Variants in RGS7 observed in about 807,000 individuals in gnomAD.
The protein encoded by RGS7 is regulator of G protein signaling 7.
Under a neutral mutation model 81.1 loss-of-function variants are expected in RGS7, and 27 were observed. That is an observed-to-expected ratio of 0.33 (90% CI 0.25 to 0.46). The LOEUF is 0.46. Among genes scored for constraint, RGS7 ranks in the 20% least tolerant of loss-of-function variants. RGS7 has a pLI of 1.00. For synonymous variants in RGS7, 208 were observed against 207.7 expected (o/e 1.00, Z -0.01); for missense variants, 396 against 607.4 (o/e 0.65, Z 3.66).
intron 3 of RGS7, among the ~76,000 whole-genome samples, chr1:241,033,156 G>T (rs1451736316): frequency 6.6e-6 from 1 of 152,186 alleles, no homozygotes. Flanking sequence ...TTCGAGACCA[G>T]CCTGGCCAAC....
chr1:240,848,579 A>C (rs981985587), intron 9 of RGS7, among the ~76,000 whole-genome samples: 3 of 152,036 alleles, frequency 2.0e-5, no homozygotes, highest in Non-Finnish European at 2.9e-5. Flanking sequence ...AATTCTATAC[A>C]TAGTTCCTTT....
rs199641312 is a variant in RGS7, at chr1:241,157,801, TTTTTC to T, written c.79-59044_79-59040del. Among the ~76,000 whole-genome samples the T allele has an allele frequency of 2.3e-3, 342 of 147,934 alleles. 12 individuals are homozygous for T. In the East Asian group the frequency reaches 0.056, roughly 24 times the overall value. ...AATTTGTAGTGTCCATAAATAAACT[TTTTTC>T]TTTTCTTTTCTTTTCTTTTTTTTTT... On this transcript the variant is annotated intron_variant, in intron 2 of 18. Coordinates refer to ENST00000440928, the MANE Select transcript of RGS7 (RefSeq NM_001364886.1).
At chr1:241,038,125 T>A (rs1042186788) in intron 3 of RGS7, among the ~76,000 whole-genome samples, 6 of 152,290 alleles carry the variant, frequency 3.9e-5, no homozygotes, top group East Asian at 1.9e-4. Context: ...AAATCTTTTT[T>A]AAAAAAATCA....
At chr1:241,083,431 T>C (rs1288882669) in intron 3 of RGS7, among the ~76,000 whole-genome samples, 2 of 152,282 alleles carry the variant, frequency 1.3e-5, no homozygotes, top group East Asian at 3.9e-4. Context: ...GACTCTTTCA[T>C]AGCAAGGTTA....
intron 6 of RGS7, among the ~76,000 whole-genome samples, chr1:240,881,281 T>A (rs972168093): frequency 9.9e-5 from 14 of 140,984 alleles, no homozygotes; most frequent in Non-Finnish European, 1.5e-5. Context: ...TTCTCACTCA[T>A]AGGTGGGAAT....
intron 2 of RGS7, among the ~76,000 whole-genome samples, chr1:241,249,120 G>A (rs1402200695): frequency 6.6e-6 from 1 of 152,014 alleles, no homozygotes; most frequent in Admixed American, 6.6e-5. Flanking sequence ...TCTAATTTTC[G>A]TGAGGTATAA....
At chr1:241,273,127 A>T (rs1451233305) in intron 2 of RGS7, among the ~76,000 whole-genome samples, 4 of 151,568 alleles carry the variant, frequency 2.6e-5, no homozygotes, top group African/African-American at 9.7e-5. Context: ...ATTGTGGTTC[A>T]GATATTATAG....
chr1:240,803,880 T>C (rs1015787799), intron 15 of RGS7, among the ~76,000 whole-genome samples: 18 of 151,280 alleles, frequency 1.2e-4, no homozygotes, highest in Non-Finnish European at 1.8e-4. Context: ...TTGAAGAAAA[T>C]AGATGTTTCA....
chr1:240,983,259 G>A (rs1222647522), intron 3 of RGS7, 130 bp from the exon 4 acceptor site: 1 of 541,174 alleles, frequency 1.8e-6, no homozygotes, highest in African/African-American at 1.9e-5. Flanking sequence ...GACAGATTAA[G>A]GATCTACCCC....
chr1:240,940,751 G>A (rs1677454394), intron 4 of RGS7, among the ~76,000 whole-genome samples: 1 of 152,036 alleles, frequency 6.6e-6, no homozygotes, highest in Non-Finnish European at 1.5e-5. Context: ...AAGTGTTGAT[G>A]AGGATTAGAA....
rs752801177 is a variant in RGS7 at position 240,868,577 on chromosome 1, G to A, written c.609+10C>T. On this transcript the variant is annotated intron_variant, in intron 9 of 18. Coordinates refer to ENST00000440928, the MANE Select transcript of RGS7 (RefSeq NM_001364886.1). This position sits in a 1 kb window ranked among gnomAD's most constrained non-coding sequence, Gnocchi z 5.1. ...GATGGATTCAAGACGAGAGTGCGAC[G>A]CTTGCTTACCACGGGCCTGTGCACG... 1.2e-5 allele frequency: 19 copies of A among 1,613,252 alleles called. No homozygotes were observed. Among genetic ancestry groups the A allele is most frequent in the Admixed American group, 1.7e-5 (1 of 59,994 alleles).
At chr1:240,926,102 T>C (rs1272387069) in intron 6 of RGS7, among the ~76,000 whole-genome samples, 1 of 152,244 alleles carries the variant, frequency 6.6e-6, no homozygotes, top group Non-Finnish European at 1.5e-5. Flanking sequence ...TAGTTTCTTT[T>C]GCTGTGCAGA....
intron 2 of RGS7, among the ~76,000 whole-genome samples, chr1:241,134,890 A>G (rs566749217): frequency 1.3e-5 from 2 of 152,014 alleles, no homozygotes; most frequent in Admixed American, 1.3e-4. Flanking sequence ...GTGGGTCAGC[A>G]AGACAGCGGA....
chr1:240,887,237 T>TGTTGTTGTTGCTGCTG (rs774077074), intron 6 of RGS7, among the ~76,000 whole-genome samples: 2 of 147,966 alleles, frequency 1.4e-5, no homozygotes, highest in African/African-American at 5.1e-5. Context: ...TTTTTTTTTT[T>TGTTGTTGTTGCTGCTG]TTTTTTTTTG....
intron 2 of RGS7, among the ~76,000 whole-genome samples, chr1:241,258,717 C>T (rs1001844233): frequency 6.6e-6 from 1 of 152,164 alleles, no homozygotes; most frequent in Non-Finnish European, 1.5e-5. Context: ...GGGCTAGAAA[C>T]TCTGTGAACA....
intron 10 of RGS7, among the ~76,000 whole-genome samples, chr1:240,821,477 A>G (rs1691800285): frequency 6.6e-6 from 1 of 152,152 alleles, no homozygotes; most frequent in African/African-American, 2.4e-5. Context: ...TCCCCTCTTT[A>G]TTCATTTTCA....
At chr1:241,166,394 G>A (rs936886571) in intron 2 of RGS7, among the ~76,000 whole-genome samples, 7 of 152,146 alleles carry the variant, frequency 4.6e-5, no homozygotes, top group African/African-American at 7.2e-5. Flanking sequence ...CAATGACTCC[G>A]GAGTAGATCT....
chr1:240,823,775 C>CAATGCCTTAATATA (rs1692264325), intron 10 of RGS7, among the ~76,000 whole-genome samples: 1 of 152,150 alleles, frequency 6.6e-6, no homozygotes, highest in African/African-American at 2.4e-5. Context: ...TCCTGGGAGT[C>CAATGCCTTAATATA]AATGCCTTAA....
intron 18 of RGS7, among the ~76,000 whole-genome samples, chr1:240,782,814 G>A (rs1030421833): frequency 1.3e-5 from 2 of 152,108 alleles, no homozygotes; most frequent in African/African-American, 2.4e-5. Context: ...TTTAAAAAAC[G>A]AAATTGCTTA....
Sources: gnomAD v4.1 joint callset for allele counts (sites outside exome capture counted in the v4.1 genomes callset) on GRCh38, gnomAD v4.1.1 for gene constraint, Gnocchi (gnomAD v3.1) non-coding constraint, MANE v1.5 for transcripts, NCBI Gene and HGNC (gene_info 2026-07-23, HGNC 2026-07-21) for gene names.